Variants in IQGAP2 observed in about 807,000 individuals in gnomAD.
The protein encoded by IQGAP2 is ras GTPase-activating-like protein IQGAP2.
A neutral mutation model predicts 201.3 loss-of-function variants in IQGAP2; 173 were observed. The observed-to-expected ratio is 0.86, with a 90% CI of 0.76 to 0.98. The LOEUF (loss-of-function observed/expected upper bound fraction) is 0.98, where lower values mean the gene tolerates loss of function less well. Among genes scored for constraint, IQGAP2 ranks in the 50% least tolerant of loss-of-function variants. IQGAP2 has a pLI of 0.00. For missense variants in IQGAP2, 1,687 were observed against 1,864.8 expected (o/e 0.90, Z 1.76); for synonymous variants, 675 against 673.9 (o/e 1.00, Z -0.03).
chr5:76,517,948 C>T (rs569528526), intron 2 of IQGAP2, among the ~76,000 whole-genome samples: 38 of 152,056 alleles, frequency 2.5e-4, no homozygotes, highest in African/African-American at 8.0e-4. Flanking sequence ...GAAATAAAGA[C>T]GTTTATTTTA....
Position 76,419,474 on chromosome 5 carries a change from T to G in IQGAP2, c.46+15883T>G, listed in dbSNP as rs1751601807. Among the ~76,000 whole-genome samples the G allele has an allele frequency of 3.9e-5, 6 of 151,912 alleles. No individual in the cohort carries two copies. The South Asian group carries it at 1.2e-3, about 32-fold the overall frequency. On this transcript the variant is annotated intron_variant, in intron 1 of 35. Transcript: ENST00000274364. ...GCCTCAGCCTCCCAAGTAGCTGGAA[T>G]TGCAGACACATGCCACCACACCTGG...
rs146380825 is a variant in IQGAP2 at position 76,695,612 on chromosome 5, T to C, written c.4152T>C (p.Thr1384=). The C allele has an allele frequency of 6.2e-7, 1 of 1,614,082 alleles. No individual in the cohort carries two copies. The highest frequency in any genetic ancestry group is 1.3e-5 in the African/African-American group (1 of 74,934). ...IQRNLRTLEQ[T]GHVSSENKYQ... ...GGAATCTTCGGACGTTGGAACAGAC[T>C]GGACACGTGTCATCCGAAAATAAAT... is the stretch of plus-strand genomic sequence containing the variant. The change falls in exon 32 of 36, where the codon ACT becomes ACC. Residue 1384 remains threonine, a synonymous_variant. Coordinates refer to ENST00000274364, the MANE Select transcript of IQGAP2 (RefSeq NM_006633.5).
chr5:76,423,243 G>A (rs538118110), intron 1 of IQGAP2, among the ~76,000 whole-genome samples: 7 of 152,276 alleles, frequency 4.6e-5, no homozygotes, highest in East Asian at 1.9e-4. Flanking sequence ...CATGAACAGC[G>A]ATGTGCATTG....
At position 76,422,751 on chromosome 5, in the gene IQGAP2, A is replaced by C. The variant is rs138488629; in HGVS notation, c.46+19160A>C. Among the ~76,000 whole-genome samples the C allele has an allele frequency of 2.7e-3, 415 of 152,338 alleles. 3 individuals carry two copies. Among genetic ancestry groups the C allele is most frequent in the Middle Eastern group, 0.014 (4 of 294 alleles). ...GAAGGAGGCATGTACACACAGCTCT[A>C]AGAAGTGGGGACCGGCTTCTACACT... On this transcript the variant is annotated intron_variant, in intron 1 of 35. Coordinates refer to ENST00000274364, the MANE Select transcript of IQGAP2 (RefSeq NM_006633.5).
chr5:76,495,114 T>C (rs1472201510), intron 2 of IQGAP2, among the ~76,000 whole-genome samples: 5 of 152,190 alleles, frequency 3.3e-5, no homozygotes, highest in Non-Finnish European at 7.3e-5. Context: ...AAAGCACAGA[T>C]ATACATACCT....
intron 2 of IQGAP2, among the ~76,000 whole-genome samples, chr5:76,519,951 T>C (rs1758565038): frequency 6.6e-6 from 1 of 152,228 alleles, no homozygotes; most frequent in South Asian, 2.1e-4. Context: ...GTTGGATATA[T>C]AAAAAGCAAG....
chr5:76,686,053 A>C (rs1191235621), intron 30 of IQGAP2, among the ~76,000 whole-genome samples: 1 of 152,196 alleles, frequency 6.6e-6, no homozygotes, highest in Non-Finnish European at 1.5e-5. Context: ...AATGACCAGT[A>C]ATGTTGAGGA....
chr5:76,539,830 G>A (rs1250268413), intron 2 of IQGAP2, among the ~76,000 whole-genome samples: 1 of 152,074 alleles, frequency 6.6e-6, no homozygotes, highest in Non-Finnish European at 1.5e-5. Flanking sequence ...AAAAATAAGG[G>A]AAACAGCCCA....
chr5:76,584,140 G>A (rs1435208398), intron 5 of IQGAP2, among the ~76,000 whole-genome samples: 4 of 152,058 alleles, frequency 2.6e-5, no homozygotes, highest in African/African-American at 9.7e-5. Context: ...CCAAAGTGCT[G>A]GGATTACAGA....
At chr5:76,468,727 T>G (rs1248047254) in intron 2 of IQGAP2, among the ~76,000 whole-genome samples, 2 of 152,250 alleles carry the variant, frequency 1.3e-5, no homozygotes, top group East Asian at 3.8e-4. Context: ...TTTTACATTG[T>G]GCCGCACTGC....
intron 1 of IQGAP2, among the ~76,000 whole-genome samples, chr5:76,420,732 CA>C (rs1166309889): frequency 6.6e-6 from 1 of 152,164 alleles, no homozygotes; most frequent in Non-Finnish European, 1.5e-5. Flanking sequence ...TAATAACTCC[CA>C]TTCTCTCTCC....
At position 76,673,971 on chromosome 5, in the gene IQGAP2, G is replaced by T; in HGVS notation, c.3229G>T (p.Ala1077Ser). ...DLLPYGLRYI[A>S]KVLKNSIHEK... ...ATGTAGTTATGGATTGAGGTATATAGCCAAAGTACTGAAGAATTCGATCCA... is the reference window on the plus strand; with the variant it reads ...ATGTAGTTATGGATTGAGGTATATATCCAAAGTACTGAAGAATTCGATCCA... The change falls in exon 26 of 36, where the codon GCC (alanine) becomes TCC (serine). Residue 1077 changes from alanine to serine, a missense_variant. Physicochemically the swap from Ala to Ser is moderately conservative, Grantham distance 99. Coordinates refer to ENST00000274364, the MANE Select transcript of IQGAP2 (RefSeq NM_006633.5). 1.9e-6 allele frequency: 3 copies of T among 1,598,668 alleles called. No individual in the cohort carries two copies. Among genetic ancestry groups the T allele is most frequent in the Non-Finnish European group, 2.6e-6 (3 of 1,166,244 alleles).
At chr5:76,643,576 TTGTTGG>T in intron 17 of IQGAP2, among the ~76,000 whole-genome samples, 1 of 152,250 alleles carries the variant, frequency 6.6e-6, no homozygotes, top group East Asian at 1.9e-4. Context: ...AATATTGATA[TTGTTGG>T]TGTGGCACAG....
At chr5:76,693,530 A>C in intron 31 of IQGAP2, 88 bp downstream of exon 31, 2 of 868,664 alleles carry the variant, frequency 2.3e-6, no homozygotes, top group Non-Finnish European at 3.7e-6. Context: ...ATCTCAGAGA[A>C]ACTGTATCTG....
chr5:76,479,188 G>A (rs1755626857), intron 2 of IQGAP2, among the ~76,000 whole-genome samples: 1 of 152,120 alleles, frequency 6.6e-6, no homozygotes, highest in African/African-American at 2.4e-5. Context: ...TTCTCCATGT[G>A]TTGTCCTCTC....
At chr5:76,637,512 A>C (rs1751242574) in intron 16 of IQGAP2, among the ~76,000 whole-genome samples, 1 of 152,196 alleles carries the variant, frequency 6.6e-6, no homozygotes, top group Non-Finnish European at 1.5e-5. Flanking sequence ...TCAATATTTA[A>C]AAGGTATTTC....
chr5:76,484,765 T>C (rs4704318), intron 2 of IQGAP2, among the ~76,000 whole-genome samples: 90,364 of 151,798 alleles, frequency 0.6, 26,986 homozygotes, highest in East Asian at 0.73. Flanking sequence ...GTCCTCCCAC[T>C]TCAGCCTCCA....
intron 3 of IQGAP2, among the ~76,000 whole-genome samples, chr5:76,568,346 G>A (rs1744891660): frequency 6.6e-6 from 1 of 152,138 alleles, no homozygotes; most frequent in African/African-American, 2.4e-5. Context: ...ATCTTGTATT[G>A]TAATAATTAT....
At chr5:76,472,875 A>G (rs934330637) in intron 2 of IQGAP2, among the ~76,000 whole-genome samples, 1 of 152,226 alleles carries the variant, frequency 6.6e-6, no homozygotes, top group Non-Finnish European at 1.5e-5. Context: ...GGAATTTTCC[A>G]TGGTTGCAAA....
Sources: gnomAD v4.1 joint callset for allele counts (sites outside exome capture counted in the v4.1 genomes callset) on GRCh38, gnomAD v4.1.1 for gene constraint, MANE v1.5 for transcripts, NCBI Gene and HGNC (gene_info 2026-07-23, HGNC 2026-07-21) for gene names.